WDR27: variants seen among roughly 807,000 people sequenced by gnomAD.
WDR27 encodes the protein WD repeat domain 27.
Under a neutral mutation model 114.4 loss-of-function variants are expected in WDR27, and 100 were observed. The ratio of observed to expected loss-of-function variants is 0.87; its 90% CI spans 0.74 to 1.03. The LOEUF is 1.03. Ranked by LOEUF, WDR27 falls within the 50% of genes least tolerant of loss-of-function variation. The pLI is 0.00. For synonymous variants in WDR27, 449 were observed against 423.1 expected, an observed-to-expected ratio of 1.06 and a Z score of -0.75; for missense variants, 1,129 against 1,092.9, an observed-to-expected ratio of 1.03 and a Z score of -0.47.
intron 16 of WDR27, among the ~76,000 whole-genome samples, chr6:169,647,334 C>A (rs1821019476): frequency 6.6e-6 from 1 of 152,210 alleles, no homozygotes; most frequent in African/African-American, 2.4e-5. Flanking sequence ...TGTGCGCAGC[C>A]TGCATGATGC....
At chr6:169,529,283 C>T (rs561323835) in intron 25 of WDR27, among the ~76,000 whole-genome samples, 183 of 134,110 alleles carry the variant, frequency 1.4e-3, no homozygotes, top group African/African-American at 4.8e-3. Flanking sequence ...GAAGTTTACA[C>T]GCTAGCACGT....
At chr6:169,442,226 A>C in the WDR27 span, among the ~76,000 whole-genome samples, 2 of 152,204 alleles carry the variant, frequency 1.3e-5, no homozygotes, top group East Asian at 3.8e-4. Flanking sequence ...TAATGGTGTT[A>C]ATCACATCTT....
intron 2 of WDR27, among the ~76,000 whole-genome samples, chr6:169,685,130 A>AC (rs1255822839): frequency 6.6e-6 from 1 of 152,038 alleles, no homozygotes; most frequent in Non-Finnish European, 1.5e-5. Flanking sequence ...AGACCAAAAG[A>AC]CCCCACTAAA....
the WDR27 span, among the ~76,000 whole-genome samples, chr6:169,452,159 TAAGTC>T: frequency 6.6e-6 from 1 of 152,368 alleles, no homozygotes; most frequent in East Asian, 1.9e-4. Context: ...CAGTGGAAGA[TAAGTC>T]AGTAAGGCCC....
intron 20 of WDR27, 122 bp downstream of exon 20, chr6:169,634,306 G>A (rs377062939): frequency 6.4e-6 from 4 of 628,104 alleles, no homozygotes; most frequent in African/African-American, 3.8e-5. Flanking sequence ...CCATGAGAAG[G>A]GTCCCTGCAT....
intron 25 of WDR27, among the ~76,000 whole-genome samples, chr6:169,465,972 T>C (rs1785525935): frequency 6.6e-6 from 1 of 152,212 alleles, no homozygotes. Context: ...GATGAATATA[T>C]TTAACACCAC....
At chr6:169,456,882 G>A (rs764042855), downstream of WDR27, among the ~76,000 whole-genome samples, 1 of 150,754 alleles carries the variant, frequency 6.6e-6, no homozygotes, top group Non-Finnish European at 1.5e-5. This position sits in a 1 kb window ranked among gnomAD's most constrained non-coding sequence, Gnocchi z 4.0. Flanking sequence ...CAGAGGTCAC[G>A]CTTACCACAC....
At chr6:169,577,087 A>G (rs1012152076) in intron 24 of WDR27, among the ~76,000 whole-genome samples, 7 of 66,532 alleles carry the variant, frequency 1.1e-4, no homozygotes, top group Admixed American at 1.0e-3. Flanking sequence ...AAAGAAAAGG[A>G]AAAAAAAAAA....
intron 25 of WDR27, among the ~76,000 whole-genome samples, chr6:169,515,007 C>T (rs541523172): frequency 8.6e-5 from 13 of 151,922 alleles, no homozygotes; most frequent in African/African-American, 3.1e-4. Flanking sequence ...GCATTTAATA[C>T]TAATATATGC....
chr6:169,582,795 G>A (rs1275058446), intron 24 of WDR27, 41 bp downstream of exon 24: 1 of 1,483,500 alleles, frequency 6.7e-7, no homozygotes, highest in Admixed American at 1.8e-5. Context: ...TGTAAGACTT[G>A]TATGCAGCAG....
At position 169,605,108 on chromosome 6, in the gene WDR27, CAAA is replaced by C. The variant is rs59884264; in HGVS notation, c.2322-2790_2322-2788del. Among the ~76,000 whole-genome samples the C allele has an allele frequency of 4.7e-3, 356 of 76,202 alleles. 10 individuals are homozygous for C. Among genetic ancestry groups the C allele is most frequent in the South Asian group, 0.023 (30 of 1,306 alleles). 50.0% of individuals were successfully genotyped at this position (76,202 alleles called of 152,430 possible). On this transcript the variant is annotated intron_variant, in intron 22 of 25. Transcript: ENST00000448612. Reference sequence around the variant, plus strand: ...AGAAGTCCTAGCCAGAGCAATTAGGCAAAAAAAAAAAAAAAAGTTTTTTTTTTT... The same window carrying C: ...AGAAGTCCTAGCCAGAGCAATTAGGCAAAAAAAAAAAAAGTTTTTTTTTTT...
intron 25 of WDR27, among the ~76,000 whole-genome samples, chr6:169,488,878 C>T (rs369474898): frequency 4.0e-5 from 6 of 151,094 alleles, no homozygotes; most frequent in East Asian, 2.0e-4. Flanking sequence ...ATGCACACCA[C>T]GTATAGGTCA....
intron 25 of WDR27, among the ~76,000 whole-genome samples, chr6:169,470,019 T>G (rs1159884304): frequency 6.6e-6 from 1 of 152,244 alleles, no homozygotes; most frequent in Non-Finnish European, 1.5e-5. Context: ...TTCCTTCAAT[T>G]GTTTGCTCAG....
intron 21 of WDR27, among the ~76,000 whole-genome samples, chr6:169,630,923 AT>A (rs1304186882): frequency 1.3e-5 from 2 of 152,034 alleles, no homozygotes; most frequent in African/African-American, 4.8e-5. Context: ...TAAGGTGGGT[AT>A]TAGGCTAACA....
chr6:169,464,331 A>G (rs550652560), intron 25 of WDR27, among the ~76,000 whole-genome samples: 27 of 152,322 alleles, frequency 1.8e-4, no homozygotes, highest in Non-Finnish European at 2.8e-4. Flanking sequence ...AGACATCCAC[A>G]CGCAAAAGAA....
chr6:169,483,094 A>G (rs1788417262), intron 25 of WDR27, among the ~76,000 whole-genome samples: 1 of 152,224 alleles, frequency 6.6e-6, no homozygotes, highest in Non-Finnish European at 1.5e-5. Context: ...AAATATCTCA[A>G]ATTAACAAAG....
intron 25 of WDR27, among the ~76,000 whole-genome samples, chr6:169,502,701 G>A (rs1791485888): frequency 6.6e-6 from 1 of 152,086 alleles, no homozygotes; most frequent in South Asian, 2.1e-4. Context: ...CCTCGTGATC[G>A]CACTGGGGCC....
chr6:169,468,782 G>A (rs1482797081), intron 25 of WDR27, among the ~76,000 whole-genome samples: 1 of 152,126 alleles, frequency 6.6e-6, no homozygotes, highest in African/African-American at 2.4e-5. Context: ...TAGATGGGGG[G>A]CCTAAACACA....
chr6:169,440,457 C>A, the WDR27 span, among the ~76,000 whole-genome samples: 1 of 152,102 alleles, frequency 6.6e-6, no homozygotes, highest in Non-Finnish European at 1.5e-5. Context: ...ACAGAGTTCA[C>A]CAAACCACCC....
Sources: gnomAD v4.1 joint callset for allele counts (sites outside exome capture counted in the v4.1 genomes callset) on GRCh38, gnomAD v4.1.1 for gene constraint, Gnocchi (gnomAD v3.1) non-coding constraint, MANE v1.5 for transcripts, NCBI Gene and HGNC (gene_info 2026-07-23, HGNC 2026-07-21) for gene names.